Variants in NIN observed in about 807,000 individuals in gnomAD.
NIN encodes glycogen synthase kinase 3 beta-interacting protein.
A neutral mutation model predicts 257.6 loss-of-function variants in NIN; 137 were observed. That is an observed-to-expected ratio of 0.53 (90% CI 0.46 to 0.61). NIN has a LOEUF of 0.61. Among genes scored for constraint, NIN ranks in the 20% least tolerant of loss-of-function variants. The probability of loss-of-function intolerance (pLI) is 0.00; values close to 1 mark genes in which losing one functional copy is unlikely to be tolerated. For synonymous variants in NIN, 918 were observed against 919.8 expected, an observed-to-expected ratio of 1.00 and a Z score of 0.04; for missense variants, 2,439 against 2,501.2, an observed-to-expected ratio of 0.98 and a Z score of 0.53.
intron 3 of NIN, among the ~76,000 whole-genome samples, chr14:50,817,669 A>G (rs552993311): frequency 2.0e-5 from 3 of 152,262 alleles, no homozygotes; most frequent in South Asian, 4.1e-4. Context: ...GAATATAGCA[A>G]TGCAACTCCT....
intron 30 of NIN, among the ~76,000 whole-genome samples, chr14:50,725,429 AAAGT>A: frequency 6.6e-6 from 1 of 152,142 alleles, no homozygotes; most frequent in African/African-American, 2.4e-5. Flanking sequence ...ATTCTAACTC[AAAGT>A]ACATCTTTTT....
intron 15 of NIN, among the ~76,000 whole-genome samples, chr14:50,762,614 G>T (rs1012278535): frequency 6.6e-6 from 1 of 152,174 alleles, no homozygotes; most frequent in African/African-American, 2.4e-5. Context: ...CTTAACTCAT[G>T]CATGAGCTCA....
intron 24 of NIN, chr14:50,742,374 G>A (rs2140509309): frequency 6.6e-6 from 1 of 151,032 alleles, no homozygotes; most frequent in Non-Finnish European, 1.5e-5. Context: ...TCCAGCCTGG[G>A]ATACAAAGAA....
chr14:50,733,150 T>C (rs1313765117), intron 28 of NIN, among the ~76,000 whole-genome samples: 1 of 151,788 alleles, frequency 6.6e-6, no homozygotes, highest in Non-Finnish European at 1.5e-5. Context: ...TGGAGTGCAG[T>C]GGCACGATCT....
rs935451598 is a variant in NIN at position 50,758,486 on chromosome 14, C to T, written c.2544G>A (p.Gln848=). 6.2e-7 allele frequency: 1 copy of T among 1,614,240 alleles called. No homozygotes were observed. The highest frequency in any genetic ancestry group is 1.3e-5 in the African/African-American group (1 of 75,064). ...GRYRQELKDL[Q]EQQREEKSQW... Reference sequence around the variant, plus strand: ...GGGATTTCTCCTCACGCTGCTGTTCCTGGAGGTCCTTCAGCTCTTGGCGGT... The same window carrying T: ...GGGATTTCTCCTCACGCTGCTGTTCTTGGAGGTCCTTCAGCTCTTGGCGGT... Residue 848 remains glutamine (Q), a synonymous_variant, in exon 18 of 31, where the codon CAG becomes CAA. Transcript: ENST00000530997.
At chr14:50,748,236 T>C in intron 21 of NIN, 131 bp from the exon 22 acceptor site, 2 of 584,370 alleles carry the variant, frequency 3.4e-6, no homozygotes, top group Non-Finnish European at 3.0e-6. Flanking sequence ...GACCATTTTT[T>C]ATCGTAAAAG....
Position 50,741,707 on chromosome 14 carries a change from C to A in NIN, c.5323G>T (p.Val1775Leu). ...GACATTTGCAGGTTTACATTCTGCA[C>A]GGTGTCTTCTAAATTCTGAACCTGT... is the stretch of plus-strand genomic sequence containing the variant. The part of the protein sequence containing the change: ...QEKVQNLEDT[V>L]QNVNLQMSRM... Residue 1775 changes from valine to leucine, a missense_variant, in exon 25 of 31, where the codon GTG becomes TTG. Around this residue, in one of 3 missense-constraint regions of NIN, gnomAD observed 2,043 missense variants for 2,050.2 expected, o/e 1.00. Coordinates refer to ENST00000530997, the MANE Select transcript of NIN (RefSeq NM_020921.4). 2.5e-6 allele frequency: 4 copies of A among 1,613,736 alleles called. No homozygotes were observed. The highest frequency in any genetic ancestry group is 2.7e-5 in the African/African-American group (2 of 75,026).
intron 7 of NIN, among the ~76,000 whole-genome samples, chr14:50,773,346 C>T (rs1365034661): frequency 6.6e-6 from 1 of 152,170 alleles, no homozygotes; most frequent in African/African-American, 2.4e-5. Flanking sequence ...ACTATATTCT[C>T]TTTTACTCAC....
chr14:50,786,939 CATTTT>C (rs1277156301), intron 5 of NIN, among the ~76,000 whole-genome samples: 2 of 152,196 alleles, frequency 1.3e-5, no homozygotes, highest in Non-Finnish European at 2.9e-5. Context: ...GAAGAAGTTT[CATTTT>C]ATGTAGGGTA....
chr14:50,797,144 T>C (rs1490714768), intron 4 of NIN, among the ~76,000 whole-genome samples: 2 of 152,216 alleles, frequency 1.3e-5, no homozygotes, highest in Non-Finnish European at 1.5e-5. Flanking sequence ...ATTTAACACA[T>C]AAGCGTATTT....
intron 28 of NIN, among the ~76,000 whole-genome samples, chr14:50,734,372 G>T (rs796312510): frequency 6.6e-6 from 1 of 152,022 alleles, no homozygotes; most frequent in African/African-American, 2.4e-5. Flanking sequence ...GATTACAGGG[G>T]TAAGCCACTG....
intron 22 of NIN, among the ~76,000 whole-genome samples, chr14:50,744,789 C>T (rs781352458): frequency 2.0e-4 from 30 of 152,164 alleles, no homozygotes; most frequent in Non-Finnish European, 3.8e-4. Flanking sequence ...AAATAATTAG[C>T]CAGGCGTGGT....
chr14:50,775,696 T>C (rs983746060), intron 7 of NIN, among the ~76,000 whole-genome samples: 2 of 152,208 alleles, frequency 1.3e-5, no homozygotes, highest in Admixed American at 1.3e-4. Flanking sequence ...CAGAAGAACA[T>C]GCAGCTCTCC....
intron 26 of NIN, 70 bp from the exon 27 acceptor site, chr14:50,738,356 G>T: frequency 1.4e-6 from 2 of 1,417,094 alleles, no homozygotes; most frequent in South Asian, 1.3e-5. Context: ...AACAAACATA[G>T]GGAAAGTTTT....
chr14:50,770,967 C>G lies in NIN; in HGVS notation c.1144G>C (p.Glu382Gln), dbSNP rs1305200315. The change falls in exon 11 of 31, where the codon GAA becomes CAA. Residue 382 changes from glutamate (E) to glutamine (Q), a missense_variant. Glu to Gln is a conservative substitution (Grantham distance 29). Transcript: ENST00000530997. ...LLERVDQVVREKEKLRSDLDK... is the reference protein window; with the variant it reads ...LLERVDQVVRQKEKLRSDLDK... ...AGATCTGACCGTAGCTTCTCTTTTT[C>G]TCTGACCACCTGATCAACTCGTTCC... 1 of 1,614,122 alleles carries G rather than the reference C, an allele frequency of 6.2e-7. No homozygotes were observed. The highest frequency in any genetic ancestry group is 1.7e-5 in the Admixed American group (1 of 60,010).
Position 50,812,723 on chromosome 14 carries a change from CACAG to C in NIN, c.184-5909_184-5906del, listed in dbSNP as rs550768008. ...CAACGCTTGAATTCTCTCAAATCTT[CACAG>C]ACAGAGATTAAAGGTCTCCGAAATT... On this transcript the variant is annotated intron_variant, in intron 3 of 30. Transcript: ENST00000530997. Among the ~76,000 whole-genome samples, 148 of 152,296 alleles carry C rather than the reference CACAG, an allele frequency of 9.7e-4. No homozygotes were observed. In the Middle Eastern group the frequency reaches 0.01, roughly 11 times the overall value.
chr14:50,725,810 C>A, intron 30 of NIN, 143 bp downstream of exon 30: 2 of 1,477,978 alleles, frequency 1.4e-6, no homozygotes, highest in South Asian at 1.3e-5. Context: ...GATAGCAAAT[C>A]CTAAGTTCTT....
At chr14:50,792,992 ACT>A (rs1005596482) in intron 4 of NIN, 111 bp from the exon 5 acceptor site, 10 of 1,065,190 alleles carry the variant, frequency 9.4e-6, no homozygotes, top group South Asian at 6.0e-5. Flanking sequence ...ATAAACCACC[ACT>A]GTTTGCCAAT....
chr14:50,760,883 G>A lies in NIN; in HGVS notation c.1897-524C>T, dbSNP rs962519795. On this transcript the variant is annotated intron_variant, in intron 16 of 30. Transcript: ENST00000530997. Reference sequence around the variant, plus strand: ...GGGGTCTCACCATGTTGCCCAGACTGGTCTTGAACTCCTAGGCTCAAGTGG... The same window carrying A: ...GGGGTCTCACCATGTTGCCCAGACTAGTCTTGAACTCCTAGGCTCAAGTGG... 2.0e-5 allele frequency among the ~76,000 whole-genome samples: 3 copies of A among 151,912 alleles called. No individual in the cohort carries two copies. The South Asian group carries it at 6.2e-4, about 32-fold the overall frequency.
Sources: gnomAD v4.1 joint callset for allele counts (sites outside exome capture counted in the v4.1 genomes callset) on GRCh38, gnomAD v4.1.1 for gene constraint, gnomAD v4.1.1 regional missense constraint, MANE v1.5 for transcripts, NCBI Gene and HGNC (gene_info 2026-07-23, HGNC 2026-07-21) for gene names.